PCDHGA1: variants seen among roughly 807,000 people sequenced by gnomAD.
PCDHGA1 encodes protocadherin gamma-A1.
Under a neutral mutation model 58.0 loss-of-function variants are expected in PCDHGA1, and 32 were observed. The ratio of observed to expected loss-of-function variants is 0.55; its 90% CI spans 0.42 to 0.74. PCDHGA1 has a LOEUF of 0.74. Among genes scored for constraint, PCDHGA1 ranks in the 30% least tolerant of loss-of-function variants. PCDHGA1 has a pLI of 0.00. For synonymous variants in PCDHGA1, 498 were observed against 501.1 expected, an observed-to-expected ratio of 0.99 and a Z score of 0.08; for missense variants, 1,205 against 1,182.3, an observed-to-expected ratio of 1.02 and a Z score of -0.28.
At chr5:141,437,761 C>G (rs1200327020) in intron 1 of PCDHGA1, among the ~76,000 whole-genome samples, 3 of 144,682 alleles carry the variant, frequency 2.1e-5, no homozygotes, top group Admixed American at 7.0e-5. Flanking sequence ...TTTTTTGAGA[C>G]AGAGTCTCAA....
In PCDHGA1 at chr5:141,431,150, C is replaced by A. The variant is rs1007532359; in HGVS notation, c.2422-63657C>A. On this transcript the variant is annotated intron_variant, in intron 1 of 3. Transcript: ENST00000517417. The surrounding 1 kb of genome is among the most constrained non-coding windows in gnomAD (Gnocchi z 4.8). ...AGTAAGGGACATTAACGACAATGCGCCTTACTTTCGTGAAAGTGAATTAGA... is the reference window on the plus strand; with the variant it reads ...AGTAAGGGACATTAACGACAATGCGACTTACTTTCGTGAAAGTGAATTAGA... The A allele has an allele frequency of 1.2e-6, 2 of 1,614,226 alleles. No individual in the cohort carries two copies. The highest frequency in any genetic ancestry group is 1.7e-6 in the Non-Finnish European group (2 of 1,180,030).
At chr5:141,426,448 C>T (rs1289310586) in intron 1 of PCDHGA1, 4 of 307,946 alleles carry the variant, frequency 1.3e-5, no homozygotes, top group Middle Eastern at 1.2e-3. Context: ...GGAGGACATG[C>T]GGCTGCATGT....
rs1299162270 is a variant in PCDHGA1 at position 141,413,906 on chromosome 5, C to T, written c.2421+80801C>T. ...GTCTTCGATGCAAATGACAACGCGC[C>T]GGTCTTCACCTTGCCAGAATACCGA... On this transcript the variant is annotated intron_variant, in intron 1 of 3. Transcript: ENST00000517417. The T allele has an allele frequency of 1.9e-6, 3 of 1,613,190 alleles. No homozygotes were observed. The highest frequency in any genetic ancestry group is 1.7e-6 in the Non-Finnish European group (2 of 1,179,870).
At chr5:141,409,515 T>G (rs1273041163) in intron 1 of PCDHGA1, 1 of 1,613,844 alleles carries the variant, frequency 6.2e-7, no homozygotes, top group Non-Finnish European at 8.5e-7. Context: ...AGTAGAAGCA[T>G]CACCTTGTAT....
chr5:141,362,321 C>T, intron 1 of PCDHGA1: 1 of 1,614,078 alleles, frequency 6.2e-7, no homozygotes, highest in Admixed American at 1.7e-5. Flanking sequence ...TGTTTTCAGC[C>T]TGGTCTCAGC....
At chr5:141,369,372 TA>T (rs1766193599) in intron 1 of PCDHGA1, among the ~76,000 whole-genome samples, 1 of 152,142 alleles carries the variant, frequency 6.6e-6, no homozygotes, top group Non-Finnish European at 1.5e-5. Flanking sequence ...ACATCCTTTG[TA>T]AAAGTTTTTC....
intron 1 of PCDHGA1, chr5:141,396,605 G>A (rs2093403616): frequency 6.6e-6 from 1 of 151,594 alleles, no homozygotes; most frequent in Non-Finnish European, 1.5e-5. Flanking sequence ...GGGCAACAGG[G>A]TGAGACTCCG....
At chr5:141,410,196 C>T (rs773310778) in intron 1 of PCDHGA1, 3 of 1,613,984 alleles carry the variant, frequency 1.9e-6, no homozygotes, top group East Asian at 4.5e-5. Context: ...CTGGTCTTCG[C>T]AGACAACTTG....
rs769232324 is a variant in PCDHGA1, at chr5:141,423,034, G to T, written c.2422-71773G>T. 4 of 1,614,082 alleles carry T rather than the reference G, an allele frequency of 2.5e-6. No individual in the cohort carries two copies. In the African/African-American group the frequency reaches 4.0e-5, roughly 16 times the overall value. On this transcript the variant is annotated intron_variant, in intron 1 of 3. Coordinates refer to ENST00000517417, the MANE Select transcript of PCDHGA1 (RefSeq NM_018912.3). ...GGTGGACAAAGATTCAGGCCAGAAC[G>T]CCTGGCTGTCCTATCGCCTGCTTAA...
chr5:141,422,643 C>T, intron 1 of PCDHGA1: 1 of 1,612,336 alleles, frequency 6.2e-7, no homozygotes, highest in Non-Finnish European at 8.5e-7. Flanking sequence ...GTGCCTCCAT[C>T]TTCTCAGTGA....
chr5:141,356,607 C>A, intron 1 of PCDHGA1: 1 of 1,614,198 alleles, frequency 6.2e-7, no homozygotes, highest in Non-Finnish European at 8.5e-7. Flanking sequence ...CCAGAGGAGC[C>A]TCCATCTTAT....
chr5:141,346,997 TCTCCTTCCTTCCTTCCTCTCTCTTTC>T (rs1757838910), intron 1 of PCDHGA1, among the ~76,000 whole-genome samples: 1 of 151,470 alleles, frequency 6.6e-6, no homozygotes, highest in Non-Finnish European at 1.5e-5. Flanking sequence ...TTTTTTTCTT[TCTCCTTCCTTCCTTCCTCTCTCTTTC>T]CTCCTTCCTT....
intron 2 of PCDHGA1, among the ~76,000 whole-genome samples, chr5:141,502,056 C>T (rs1163976282): frequency 1.3e-5 from 2 of 152,116 alleles, no homozygotes; most frequent in Non-Finnish European, 2.9e-5. Flanking sequence ...CTACTTTATT[C>T]CCATTAGCCC....
At chr5:141,343,882 C>G (rs887650082) in intron 1 of PCDHGA1, 27 of 637,620 alleles carry the variant, frequency 4.2e-5, no homozygotes, top group Middle Eastern at 4.5e-4. Context: ...CTCAGAAGAT[C>G]CGGGGCGGCT....
chr5:141,500,005 G>A (rs994274763), intron 2 of PCDHGA1, among the ~76,000 whole-genome samples: 30 of 151,476 alleles, frequency 2.0e-4, no homozygotes, highest in Non-Finnish European at 3.8e-4. Context: ...TCTTTCATAA[G>A]GTCCACATTT....
intron 1 of PCDHGA1, among the ~76,000 whole-genome samples, chr5:141,463,797 T>C (rs58523023): frequency 0.28 from 42,459 of 152,012 alleles, 6,656 homozygotes; most frequent in African/African-American, 0.43. Flanking sequence ...TGAACAAATG[T>C]CTAAAAGCTT....
chr5:141,341,359 T>G, intron 1 of PCDHGA1: 1 of 1,614,258 alleles, frequency 6.2e-7, no homozygotes, highest in Non-Finnish European at 8.5e-7. Context: ...CGCCTCAATC[T>G]CTACTCGAAG....
intron 1 of PCDHGA1, chr5:141,356,942 C>A: frequency 6.2e-7 from 1 of 1,614,230 alleles, no homozygotes; most frequent in Non-Finnish European, 8.5e-7. Flanking sequence ...GCACCCCGCT[C>A]CGCAGATTCC....
At position 141,403,424 on chromosome 5, in the gene PCDHGA1, A is replaced by G. The variant is rs771429615; in HGVS notation, c.2421+70319A>G. ...AGCACGTTATCCACTTCCAGAAGCT[A>G]TTGATCCGGATGTTGGCGTGAACTC... is the stretch of plus-strand genomic sequence containing the variant. On this transcript the variant is annotated intron_variant, in intron 1 of 3. Transcript: ENST00000517417. The G allele has an allele frequency of 3.1e-6, 5 of 1,613,932 alleles. No homozygotes were observed. In the African/African-American group the frequency reaches 4.0e-5, roughly 13 times the overall value.
Sources: gnomAD v4.1 joint callset for allele counts (sites outside exome capture counted in the v4.1 genomes callset) on GRCh38, gnomAD v4.1.1 for gene constraint, Gnocchi (gnomAD v3.1) non-coding constraint, MANE v1.5 for transcripts, NCBI Gene and HGNC (gene_info 2026-07-23, HGNC 2026-07-21) for gene names.